The following UBAC2 variants were observed in gnomAD, a reference collection of about 807,000 sequenced individuals.
UBAC2 encodes UBA domain containing 2.
UBAC2 carries 26 observed loss-of-function variants against 44.0 expected under a neutral mutation model. That is an observed-to-expected ratio of 0.59 (90% confidence interval 0.43 to 0.82). The LOEUF (loss-of-function observed/expected upper bound fraction) is 0.82, where lower values mean the gene tolerates loss of function less well. Ranked by LOEUF, UBAC2 falls within the 40% of genes least tolerant of loss-of-function variation. The probability of loss-of-function intolerance (pLI) is 0.00; values close to 1 mark genes in which losing one functional copy is unlikely to be tolerated. For synonymous variants in UBAC2, 155 were observed against 154.3 expected, an observed-to-expected ratio of 1.00 and a Z score of -0.04; for missense variants, 329 against 419.4, an observed-to-expected ratio of 0.78 and a Z score of 1.88.
intron 6 of UBAC2, among the ~76,000 whole-genome samples, chr13:99,325,219 C>T (rs1275948911): frequency 2.0e-5 from 3 of 151,104 alleles, no homozygotes; most frequent in African/African-American, 7.3e-5. Flanking sequence ...TCTCCTGCCT[C>T]AGCCTCCCAA....
At chr13:99,257,961 T>A (rs1236214436) in intron 4 of UBAC2, among the ~76,000 whole-genome samples, 1 of 152,254 alleles carries the variant, frequency 6.6e-6, no homozygotes, top group African/African-American at 2.4e-5. Flanking sequence ...TATATTTTTT[T>A]AATAGAGACG....
At chr13:99,376,278 A>C (rs899928290) in intron 8 of UBAC2, among the ~76,000 whole-genome samples, 1 of 152,204 alleles carries the variant, frequency 6.6e-6, no homozygotes, top group Non-Finnish European at 1.5e-5. Flanking sequence ...TGCCTTGGTC[A>C]GCCAGCCATG....
Position 99,201,206 on chromosome 13 carries a change from T to C in UBAC2, c.31+267T>C, listed in dbSNP as rs531389491. The C allele has an allele frequency of 9.1e-5, 130 of 1,425,810 alleles. No individual in the cohort carries two copies. In the African/African-American group the frequency reaches 1.7e-3, roughly 19 times the overall value. The allele number at this position is 1,425,810 out of a possible 1,614,324, so 88.3% of individuals were successfully genotyped here. ...CCAGGTGCTCTGCCCAGGAGTCTCT[T>C]GGGGCCGCTGCAAGTGGGCAGGTGC... On this transcript the variant is annotated intron_variant, in intron 1 of 8. Transcript: ENST00000403766.
chr13:99,345,195 T>G (rs1328627818), intron 7 of UBAC2, among the ~76,000 whole-genome samples: 1 of 152,076 alleles, frequency 6.6e-6, no homozygotes, highest in African/African-American at 2.4e-5. Context: ...TGGGCAGATA[T>G]GTAGTGAGAA....
At chr13:99,217,646 T>C (rs901948037) in intron 1 of UBAC2, among the ~76,000 whole-genome samples, 3 of 152,218 alleles carry the variant, frequency 2.0e-5, no homozygotes. Flanking sequence ...TCAGCTGCGC[T>C]GATGGGTGCC....
At chr13:99,344,979 A>G (rs2044951771) in intron 7 of UBAC2, among the ~76,000 whole-genome samples, 1 of 152,246 alleles carries the variant, frequency 6.6e-6, no homozygotes, top group South Asian at 2.1e-4. Context: ...TGAAGCACCC[A>G]TGCAGTGAAA....
At chr13:99,357,301 CAT>C (rs773987634) in intron 7 of UBAC2, among the ~76,000 whole-genome samples, 2 of 152,210 alleles carry the variant, frequency 1.3e-5, no homozygotes, top group Non-Finnish European at 2.9e-5. Flanking sequence ...CCCAACAGCA[CAT>C]TTCTCAGAAT....
chr13:99,251,398 T>C (rs1299909795), intron 4 of UBAC2, among the ~76,000 whole-genome samples: 4 of 152,220 alleles, frequency 2.6e-5, no homozygotes, highest in Non-Finnish European at 5.9e-5. Context: ...CTAGGACTTC[T>C]GGCACTGAGT....
At chr13:99,201,982 A>G (rs2042807943) in intron 1 of UBAC2, among the ~76,000 whole-genome samples, 1 of 149,528 alleles carries the variant, frequency 6.7e-6, no homozygotes, top group Non-Finnish European at 1.5e-5. Context: ...CTGAGGCAGG[A>G]GAATGGCGTG....
intron 1 of UBAC2, among the ~76,000 whole-genome samples, chr13:99,217,903 C>G (rs1182723984): frequency 2.0e-5 from 3 of 152,186 alleles, no homozygotes; most frequent in Non-Finnish European, 4.4e-5. Context: ...CATTTCACTG[C>G]CTGCCTGGCC....
intron 4 of UBAC2, among the ~76,000 whole-genome samples, chr13:99,270,949 C>T (rs1334477416): frequency 2.6e-5 from 4 of 152,138 alleles, no homozygotes; most frequent in Non-Finnish European, 5.9e-5. Context: ...TCATATTTTA[C>T]AAGAGCAATC....
chr13:99,305,965 G>A lies in UBAC2; in HGVS notation c.390-8132G>A, dbSNP rs188302900. Among the ~76,000 whole-genome samples, 166 of 152,168 alleles carry A rather than the reference G, an allele frequency of 1.1e-3. 2 individuals are homozygous for A. The highest frequency in any genetic ancestry group is 3.5e-3 in the African/African-American group (146 of 41,508). The stretch of plus-strand genomic sequence containing the variant: ...GGCTAGAGTGCAGTGGCGCAATCTC[G>A]GCTCACTGCAACCTCCGCCTCCCAG... On this transcript the variant is annotated intron_variant, in intron 4 of 8. Coordinates refer to ENST00000403766, the MANE Select transcript of UBAC2 (RefSeq NM_001144072.2).
chr13:99,330,584 G>A (rs1257276735), intron 6 of UBAC2, among the ~76,000 whole-genome samples: 1 of 151,698 alleles, frequency 6.6e-6, no homozygotes, highest in Non-Finnish European at 1.5e-5. Context: ...TTCAACATAG[G>A]TGGTCTGTGT....
chr13:99,201,359 C>A, intron 1 of UBAC2: 10 of 1,567,858 alleles, frequency 6.4e-6, no homozygotes, highest in South Asian at 1.2e-5. Context: ...CCCCCGCCCC[C>A]ACTTGCAAAG....
chr13:99,320,288 A>G (rs967145686), intron 6 of UBAC2, among the ~76,000 whole-genome samples: 4 of 152,158 alleles, frequency 2.6e-5, no homozygotes, highest in Admixed American at 2.6e-4. Flanking sequence ...TCCGGTACAC[A>G]TGTTTAACAG....
chr13:99,218,949 T>C (rs1335465198), intron 1 of UBAC2, among the ~76,000 whole-genome samples: 2 of 152,174 alleles, frequency 1.3e-5, no homozygotes, highest in African/African-American at 2.4e-5. Context: ...GGCATGGGTT[T>C]ACTGTGCTTT....
intron 1 of UBAC2, among the ~76,000 whole-genome samples, chr13:99,217,050 C>T (rs11839133): frequency 1.0e-3 from 152 of 152,240 alleles, no homozygotes; most frequent in African/African-American, 3.4e-3. Context: ...AGGCTGGTCT[C>T]GAACACCTGA....
At chr13:99,203,343 G>T (rs1185480028) in intron 1 of UBAC2, among the ~76,000 whole-genome samples, 1 of 152,064 alleles carries the variant, frequency 6.6e-6, no homozygotes, top group East Asian at 1.9e-4. Flanking sequence ...ATTTCCTTTA[G>T]ATAAGTTGAG....
intron 6 of UBAC2, among the ~76,000 whole-genome samples, chr13:99,339,691 A>G (rs987465798): frequency 5.9e-5 from 9 of 152,134 alleles, no homozygotes; most frequent in South Asian, 2.1e-4. Flanking sequence ...CTAGAAAATC[A>G]TAGGAAGCCT....
Sources: gnomAD v4.1 joint callset for allele counts (sites outside exome capture counted in the v4.1 genomes callset) on GRCh38, gnomAD v4.1.1 for gene constraint, MANE v1.5 for transcripts, NCBI Gene and HGNC (gene_info 2026-07-23, HGNC 2026-07-21) for gene names.